RINT1: variants seen among roughly 807,000 people sequenced by gnomAD.
RINT1 encodes the protein RAD50-interacting protein 1.
A neutral mutation model predicts 97.7 loss-of-function variants in RINT1; 75 were observed. The ratio of observed to expected loss-of-function variants is 0.77; its 90% CI spans 0.64 to 0.93. RINT1 has a LOEUF of 0.93. Among genes scored for constraint, RINT1 ranks in the 40% least tolerant of loss-of-function variants. The pLI, the probability that RINT1 is intolerant of heterozygous loss-of-function variation, is 0.00. For missense variants in RINT1, 892 were observed against 925.2 expected, an observed-to-expected ratio of 0.96 and a Z score of 0.47; for synonymous variants, 303 against 326.3, an observed-to-expected ratio of 0.93 and a Z score of 0.77.
chr7:105,548,481 G>C, intron 6 of RINT1, 73 bp from the exon 7 acceptor site: 2 of 1,391,924 alleles, frequency 1.4e-6, no homozygotes, highest in Non-Finnish European at 2.0e-6. Flanking sequence ...AATTTATTGT[G>C]TGTGTATACA....
At chr7:105,566,055 G>A (rs1791719994) in intron 14 of RINT1, among the ~76,000 whole-genome samples, 1 of 151,940 alleles carries the variant, frequency 6.6e-6, no homozygotes, top group African/African-American at 2.4e-5. Context: ...AGATCACAAA[G>A]TCAGGAGATC....
At chr7:105,552,671 T>C (rs949433458) in intron 10 of RINT1, among the ~76,000 whole-genome samples, 33 of 112,624 alleles carry the variant, frequency 2.9e-4, no homozygotes, top group African/African-American at 1.6e-3. Flanking sequence ...AATTCCTTTT[T>C]TTTTTTTTTT....
At chr7:105,542,362 G>C (rs779482510) in intron 3 of RINT1, 46 bp from the exon 4 acceptor site, 4 of 1,437,918 alleles carry the variant, frequency 2.8e-6, no homozygotes, top group Non-Finnish European at 2.9e-6. Context: ...AATTTTATCT[G>C]ATTGCTGCTG....
chr7:105,554,938 A>AAAGCACTG, intron 10 of RINT1, 90 bp from the exon 11 acceptor site: 1 of 961,892 alleles, frequency 1.0e-6, no homozygotes, highest in Non-Finnish European at 1.6e-6. Context: ...ATTTTTGACA[A>AAAGCACTG]AAGCACTGAA....
At chr7:105,542,790 T>A in intron 4 of RINT1, 141 bp downstream of exon 4, 1 of 889,102 alleles carries the variant, frequency 1.1e-6, no homozygotes, top group Non-Finnish European at 1.6e-6. Flanking sequence ...AAAATAGCAT[T>A]ATGATAATGA....
chr7:105,561,546 GTAGA>G (rs1372903715), intron 11 of RINT1, among the ~76,000 whole-genome samples: 1 of 152,052 alleles, frequency 6.6e-6, no homozygotes. Flanking sequence ...AAAAAAACAA[GTAGA>G]TAGTGTCATT....
chr7:105,559,407 G>C (rs1174678610), intron 11 of RINT1, among the ~76,000 whole-genome samples: 3 of 152,020 alleles, frequency 2.0e-5, no homozygotes, highest in African/African-American at 4.8e-5. Flanking sequence ...CAGGCATGGT[G>C]GTGGGCGCCT....
At position 105,563,689 on chromosome 7, in the gene RINT1, T is replaced by TA. The variant is rs141382811; in HGVS notation, c.1672-35dup. ...ACATATGAATTCTATTTCAAACTGT[T>TA]AAAAAAAAAGTATGCTAATGTGTTA... On this transcript the variant is annotated intron_variant, in intron 11 of 14. Transcript: ENST00000257700. The TA allele has an allele frequency of 6.1e-3, 9,033 of 1,472,690 alleles. 305 individuals carry two copies. In the African/African-American group the frequency reaches 0.097, roughly 16 times the overall value. The allele number at this position is 1,472,690 out of a possible 1,614,324, so 91.2% of individuals were successfully genotyped here. A position where few individuals can be genotyped will look rare whatever the true frequency, so the allele number is the denominator to read the frequency against.
chr7:105,567,599 A>C lies in RINT1; in HGVS notation c.*288A>C. 1.7e-6 allele frequency: 1 copy of C among 572,938 alleles called. No individual in the cohort carries two copies. The highest frequency in any genetic ancestry group is 2.9e-5 in the East Asian group (1 of 34,986). The allele number at this position is 572,938 out of a possible 1,614,324, so 35.5% of individuals were successfully genotyped here. On this transcript the variant is annotated 3_prime_UTR_variant, in exon 15 of 15. Coordinates refer to ENST00000257700, the MANE Select transcript of RINT1 (RefSeq NM_021930.6). ...GAGCAGAGATATTAAATTATAACCA[A>C]CTTTCAATTTCCTGTGCTAATTAAG...
chr7:105,552,950 G>A (rs1271905396), intron 10 of RINT1, among the ~76,000 whole-genome samples: 1 of 151,784 alleles, frequency 6.6e-6, no homozygotes, highest in Non-Finnish European at 1.5e-5. Context: ...GGGATTACAG[G>A]CATGAGCCAC....
chr7:105,558,371 T>TTAAG (rs749280560), intron 11 of RINT1, among the ~76,000 whole-genome samples: 1 of 152,088 alleles, frequency 6.6e-6, no homozygotes, highest in South Asian at 2.1e-4. Context: ...TGTTTCTAAT[T>TTAAG]TAAGTAAGTA....
chr7:105,555,311 C>T (rs1158305974), intron 11 of RINT1, 84 bp downstream of exon 11: 7 of 1,142,392 alleles, frequency 6.1e-6, no homozygotes. Flanking sequence ...GAATCTATTG[C>T]AAGCAAAAAT....
At chr7:105,535,874 G>A (rs750454405) in intron 2 of RINT1, among the ~76,000 whole-genome samples, 1 of 152,068 alleles carries the variant, frequency 6.6e-6, no homozygotes, top group Admixed American at 6.6e-5. Flanking sequence ...TCTTCTTTTG[G>A]TGTTGCCCTA....
intron 11 of RINT1, among the ~76,000 whole-genome samples, chr7:105,556,609 C>T (rs537423136): frequency 5.3e-5 from 8 of 151,902 alleles, no homozygotes; most frequent in African/African-American, 1.9e-4. Flanking sequence ...TAAATAAAAA[C>T]CTTGGGTCCA....
rs550047938 is a variant in RINT1, at chr7:105,563,182, T to A, written c.1672-551T>A. 5.3e-5 allele frequency among the ~76,000 whole-genome samples: 8 copies of A among 152,276 alleles called. No individual in the cohort carries two copies. The South Asian group carries it at 1.7e-3, about 32-fold the overall frequency. ...ACCAACCATACGTTGTATGATTTCA[T>A]TTATATGAAATGTCCAGAACAGGCA... On this transcript the variant is annotated intron_variant, in intron 11 of 14. Transcript: ENST00000257700.
In RINT1 at chr7:105,551,230, G is replaced by A. The variant is rs185011696; in HGVS notation, c.1334-340G>A. Among the ~76,000 whole-genome samples, 6 of 151,936 alleles carry A rather than the reference G, an allele frequency of 3.9e-5. No individual in the cohort carries two copies. The Middle Eastern group carries it at 0.01, about 258-fold the overall frequency. On this transcript the variant is annotated intron_variant, in intron 9 of 14. Coordinates refer to ENST00000257700, the MANE Select transcript of RINT1 (RefSeq NM_021930.6). Reference sequence around the variant, plus strand: ...TTTTTTGTAGAGATGGGGTTTCCCTGGGGTTTTGCCCAAGCTGGTTGTGAA... The same window carrying A: ...TTTTTTGTAGAGATGGGGTTTCCCTAGGGTTTTGCCCAAGCTGGTTGTGAA...
At chr7:105,540,079 CTT>C (rs769840794) in intron 3 of RINT1, among the ~76,000 whole-genome samples, 22 of 135,902 alleles carry the variant, frequency 1.6e-4, no homozygotes, top group Admixed American at 2.2e-4. Flanking sequence ...ATGCCATTTT[CTT>C]TTTTTTTTTT....
At position 105,535,094 on chromosome 7, in the gene RINT1, A is replaced by T. The variant is rs1790171704; in HGVS notation, c.89-1471A>T. 2.0e-5 allele frequency among the ~76,000 whole-genome samples: 3 copies of T among 152,026 alleles called. 1 individual carries two copies. The highest frequency in any genetic ancestry group is 2.0e-4 in the Admixed American group (3 of 15,254). ...GTTTATTTGCCATGGAAAGAATCTC[A>T]CTTTATACTATTTAGTGGTTGCATT... On this transcript the variant is annotated intron_variant, in intron 2 of 14. Transcript: ENST00000257700.
chr7:105,537,728 C>T (rs1252310977), intron 3 of RINT1, among the ~76,000 whole-genome samples: 27 of 151,350 alleles, frequency 1.8e-4, no homozygotes, highest in African/African-American at 5.6e-4. Context: ...CCCAGCTACT[C>T]GGGAGGCTGA....
Sources: gnomAD v4.1 joint callset for allele counts (sites outside exome capture counted in the v4.1 genomes callset) on GRCh38, gnomAD v4.1.1 for gene constraint, MANE v1.5 for transcripts, NCBI Gene and HGNC (gene_info 2026-07-23, HGNC 2026-07-21) for gene names.